NRXN3: variants seen among roughly 807,000 people sequenced by gnomAD.
NRXN3 encodes neurexin III.
NRXN3 carries 32 observed loss-of-function variants against 137.6 expected under a neutral mutation model. That is an observed-to-expected ratio of 0.23 (90% CI 0.18 to 0.31). The LOEUF is 0.31. Ranked by LOEUF, NRXN3 falls within the 10% of genes least tolerant of loss-of-function variation. The probability of loss-of-function intolerance (pLI) is 1.00; values close to 1 mark genes in which losing one functional copy is unlikely to be tolerated. For missense variants in NRXN3, 1,574 were observed against 2,062.5 expected (o/e 0.76, Z 4.59); for synonymous variants, 798 against 784.5 (o/e 1.02, Z -0.29).
At chr14:78,773,527 A>C (rs1343032058) in intron 8 of NRXN3, among the ~76,000 whole-genome samples, 1 of 151,172 alleles carries the variant, frequency 6.6e-6, no homozygotes. Flanking sequence ...CAGCTCCCAC[A>C]CTCCCCTGCA....
chr14:78,368,138 TA>T (rs1567382640), intron 4 of NRXN3, among the ~76,000 whole-genome samples: 1 of 152,238 alleles, frequency 6.6e-6, no homozygotes, highest in Non-Finnish European at 1.5e-5. Context: ...GTCTTTTTAC[TA>T]AATTAGGCTG....
intron 4 of NRXN3, among the ~76,000 whole-genome samples, chr14:78,601,030 C>G (rs961695808): frequency 6.6e-6 from 1 of 152,136 alleles, no homozygotes; most frequent in African/African-American, 2.4e-5. Flanking sequence ...ACTTTACTGC[C>G]CTAGTTCAGG....
At chr14:79,816,018 G>T (rs181238215) in intron 20 of NRXN3, among the ~76,000 whole-genome samples, 122 of 152,218 alleles carry the variant, frequency 8.0e-4, no homozygotes, top group African/African-American at 2.9e-3. Flanking sequence ...GCAATCAGTT[G>T]TCATAAACTG....
Position 79,297,438 on chromosome 14 carries a change from A to G in NRXN3, c.3263-169783A>G, listed in dbSNP as rs143240025. On this transcript the variant is annotated intron_variant, in intron 15 of 20. Transcript: ENST00000335750. ...GTTGTTTATTTGAAATTCAAAGTTA[A>G]CTGGGCATCCTATATTTTATCTGGC... 8.2e-3 allele frequency among the ~76,000 whole-genome samples: 1,250 copies of G among 152,234 alleles called. 14 individuals are homozygous for G. Among genetic ancestry groups the G allele is most frequent in the African/African-American group, 0.029 (1,184 of 41,540 alleles).
intron 16 of NRXN3, among the ~76,000 whole-genome samples, chr14:79,631,647 G>T (rs2098349463): frequency 6.6e-6 from 1 of 152,212 alleles, no homozygotes; most frequent in African/African-American, 2.4e-5. Context: ...GGTGAAGCCG[G>T]CTGGGCTTTT....
chr14:78,757,226 G>A (rs2098672734), intron 8 of NRXN3, among the ~76,000 whole-genome samples: 2 of 151,976 alleles, frequency 1.3e-5, no homozygotes, highest in Non-Finnish European at 1.5e-5. Context: ...TAGGTAACAT[G>A]GTTAAACCCC....
At chr14:78,596,498 T>C (rs72683535) in intron 4 of NRXN3, among the ~76,000 whole-genome samples, 2,297 of 152,348 alleles carry the variant, frequency 0.015, 23 homozygotes, top group Non-Finnish European at 0.025. Flanking sequence ...AAGTCAGTGA[T>C]GTGTAAGTGC....
At chr14:79,525,521 G>T (rs1390242721) in intron 16 of NRXN3, among the ~76,000 whole-genome samples, 1 of 152,120 alleles carries the variant, frequency 6.6e-6, no homozygotes, top group Non-Finnish European at 1.5e-5. Flanking sequence ...ATTAATGCTG[G>T]CAGCCATAAA....
intron 4 of NRXN3, among the ~76,000 whole-genome samples, chr14:78,396,236 G>C (rs2091442698): frequency 6.6e-6 from 1 of 151,990 alleles, no homozygotes; most frequent in South Asian, 2.1e-4. Flanking sequence ...TCCATGTGAA[G>C]TGTGGAAACC....
intron 19 of NRXN3, among the ~76,000 whole-genome samples, chr14:79,714,954 TTTTTC>T (rs1399836806): frequency 6.6e-6 from 1 of 152,170 alleles, no homozygotes; most frequent in Non-Finnish European, 1.5e-5. Context: ...CCTTTTCTTT[TTTTTC>T]TTTTCTTTTC....
chr14:78,324,440 G>C (rs1345736640), intron 4 of NRXN3, among the ~76,000 whole-genome samples: 40 of 152,062 alleles, frequency 2.6e-4, no homozygotes, highest in Admixed American at 2.6e-3. Context: ...AAAATGCAGT[G>C]ATCTGAGAGT....
chr14:79,287,252 A>G (rs1325028657), intron 15 of NRXN3, among the ~76,000 whole-genome samples: 1 of 152,196 alleles, frequency 6.6e-6, no homozygotes, highest in African/African-American at 2.4e-5. Context: ...GCATGGGACA[A>G]AAGTCAGCTT....
intron 1 of NRXN3, among the ~76,000 whole-genome samples, chr14:78,220,518 C>T (rs570800509): frequency 7.2e-5 from 11 of 151,916 alleles, no homozygotes; most frequent in South Asian, 4.2e-4. Context: ...GGGCAGAAGC[C>T]GGAATGCAGA....
intron 15 of NRXN3, among the ~76,000 whole-genome samples, chr14:79,341,232 GA>G (rs1417520397): frequency 3.9e-5 from 6 of 152,070 alleles, no homozygotes; most frequent in Non-Finnish European, 8.8e-5. Context: ...TAGGGCGGTG[GA>G]GCTCTTCACT....
chr14:78,424,349 G>A (rs915271341), intron 4 of NRXN3, among the ~76,000 whole-genome samples: 4 of 152,254 alleles, frequency 2.6e-5, no homozygotes, highest in Non-Finnish European at 4.4e-5. Flanking sequence ...TCCCCTTGAT[G>A]TCTTCAATGT....
At chr14:79,583,037 A>AAT (rs2097731691) in intron 16 of NRXN3, among the ~76,000 whole-genome samples, 1 of 152,226 alleles carries the variant, frequency 6.6e-6, no homozygotes, top group Admixed American at 6.5e-5. Context: ...CCTCTTCATT[A>AAT]TATTTTACTA....
intron 15 of NRXN3, among the ~76,000 whole-genome samples, chr14:79,044,722 C>T (rs1277099164): frequency 7.9e-6 from 1 of 126,196 alleles, no homozygotes; most frequent in Non-Finnish European, 1.7e-5. Flanking sequence ...CACACACACA[C>T]ATATATACCA....
chr14:79,433,770 ATATCTGGTC>A (rs1189113280), intron 15 of NRXN3, among the ~76,000 whole-genome samples: 1 of 152,202 alleles, frequency 6.6e-6, no homozygotes, highest in Non-Finnish European at 1.5e-5. Context: ...TTTATTCATT[ATATCTGGTC>A]TAGATGGGTC....
rs551918087 is a variant in NRXN3, at chr14:78,317,821, T to A, written c.757+19961T>A. Among the ~76,000 whole-genome samples, 7 of 152,312 alleles carry A rather than the reference T, an allele frequency of 4.6e-5. No individual in the cohort carries two copies. The East Asian group carries it at 1.4e-3, about 29-fold the overall frequency. On this transcript the variant is annotated intron_variant, in intron 4 of 20. Coordinates refer to ENST00000335750, the MANE Select transcript of NRXN3 (RefSeq NM_001330195.2). The stretch of plus-strand genomic sequence containing the variant: ...CACTCATCTATATCTCCTTAAATGA[T>A]ACTTAATCTATAAATAAAGATAAAA...
Sources: gnomAD v4.1 joint callset for allele counts (sites outside exome capture counted in the v4.1 genomes callset) on GRCh38, gnomAD v4.1.1 for gene constraint, MANE v1.5 for transcripts, NCBI Gene and HGNC (gene_info 2026-07-23, HGNC 2026-07-21) for gene names.